BCR: variants seen among roughly 807,000 people sequenced by gnomAD.
The protein encoded by BCR is BCR activator of RhoGEF and GTPase.
In BCR, 58 loss-of-function variants were observed where a neutral mutation model predicts 138.6. That is an observed-to-expected ratio of 0.42 (90% confidence interval 0.34 to 0.52). BCR has a LOEUF of 0.52. BCR is among the 20% of genes least tolerant of loss of function. The pLI, the probability that BCR is intolerant of heterozygous loss-of-function variation, is 0.06. For synonymous variants in BCR, 786 were observed against 730.1 expected (o/e 1.08, Z -1.23); for missense variants, 1,599 against 1,727.2 (o/e 0.93, Z 1.32).
rs571517502 is a variant in BCR, at chr22:23,186,447, G to A, written c.1279+4208G>A. 6.6e-5 allele frequency among the ~76,000 whole-genome samples: 10 copies of A among 152,310 alleles called. 1 individual carries two copies. The South Asian group carries it at 1.9e-3, about 28-fold the overall frequency. On this transcript the variant is annotated intron_variant, in intron 1 of 22. Coordinates refer to ENST00000305877, the MANE Select transcript of BCR (RefSeq NM_004327.4). ...CCATTTTTATCCATACAGTTCTGTG[G>A]TGTTGACTACATTCACATTGTTGTA...
intron 17 of BCR, 72 bp from the exon 18 acceptor site, chr22:23,310,252 C>T: frequency 5.7e-6 from 4 of 707,318 alleles, no homozygotes; most frequent in South Asian, 2.9e-5. Context: ...ATGAGACTCC[C>T]AGGGGTCCTT....
intron 8 of BCR, chr22:23,283,699 C>G (rs56073544): frequency 1.1e-5 from 4 of 378,958 alleles, no homozygotes; most frequent in African/African-American, 2.1e-5. Flanking sequence ...CCCCCTCTCC[C>G]CCATCCTCCC....
intron 1 of BCR, among the ~76,000 whole-genome samples, chr22:23,244,863 C>T (rs1439646527): frequency 6.6e-6 from 1 of 152,220 alleles, no homozygotes; most frequent in East Asian, 1.9e-4. Context: ...GCCCCCGCAC[C>T]AGCCGGCCCC....
intron 16 of BCR, among the ~76,000 whole-genome samples, chr22:23,300,037 A>C (rs1490490868): frequency 6.6e-6 from 1 of 152,166 alleles, no homozygotes; most frequent in East Asian, 1.9e-4. Flanking sequence ...CACAATGTAA[A>C]ATGTCCCAGG....
intron 1 of BCR, among the ~76,000 whole-genome samples, chr22:23,205,911 C>G (rs1013362043): frequency 6.6e-6 from 1 of 152,168 alleles, no homozygotes; most frequent in African/African-American, 2.4e-5. Context: ...CGAGCTGCCT[C>G]CAAATGCCTG....
intron 1 of BCR, among the ~76,000 whole-genome samples, chr22:23,186,237 G>T (rs781209094): frequency 6.6e-6 from 1 of 152,232 alleles, no homozygotes; most frequent in Admixed American, 6.5e-5. Context: ...GGCCACCCAC[G>T]TCTGCCTTGT....
At chr22:23,273,031 G>A in intron 6 of BCR, 50 bp from the exon 7 acceptor site, 1 of 1,596,606 alleles carries the variant, frequency 6.3e-7, no homozygotes. Flanking sequence ...TCAGGCAGCT[G>A]GTGTGCTTCT....
intron 1 of BCR, among the ~76,000 whole-genome samples, chr22:23,186,119 G>A (rs1363007223): frequency 6.6e-6 from 1 of 152,326 alleles, no homozygotes; most frequent in Non-Finnish European, 1.5e-5. Flanking sequence ...AGTGAGATCA[G>A]AGAAGCTTCC....
At chr22:23,271,140 G>A (rs1401039282) in intron 5 of BCR, among the ~76,000 whole-genome samples, 1 of 152,242 alleles carries the variant, frequency 6.6e-6, no homozygotes, top group Non-Finnish European at 1.5e-5. Flanking sequence ...GCGTGATTTT[G>A]TTCACAAGGG....
intron 8 of BCR, among the ~76,000 whole-genome samples, chr22:23,282,772 C>G (rs923135534): frequency 2.0e-5 from 3 of 152,224 alleles, no homozygotes; most frequent in African/African-American, 7.2e-5. Flanking sequence ...TGTGCCTCCC[C>G]TGCCAACCCT....
chr22:23,303,931 CTT>C (rs131683), intron 16 of BCR, among the ~76,000 whole-genome samples: 7 of 106,160 alleles, frequency 6.6e-5, no homozygotes, highest in Admixed American at 3.4e-4. Flanking sequence ...TCCTTGTTGC[CTT>C]TTTTTTTTTT....
chr22:23,277,882 C>A (rs2073597430), intron 8 of BCR, among the ~76,000 whole-genome samples: 1 of 152,204 alleles, frequency 6.6e-6, no homozygotes, highest in Non-Finnish European at 1.5e-5. Flanking sequence ...CGGTGGCCGG[C>A]AGGTGCTCCA....
chr22:23,181,395 G>A lies in BCR; in HGVS notation c.435G>A (p.Arg145=). ...CCGCGTCGGGGGAACGGGACGACCG[G>A]GGACCCCCCGCCAGCGTGGCGGCGC... ...GAAASGERDD[R]GPPASVAALR... is the part of the protein sequence containing the mutation. The change falls in exon 1 of 23, where the codon CGG becomes CGA. Residue 145 remains arginine, a synonymous_variant. Coordinates refer to ENST00000305877, the MANE Select transcript of BCR (RefSeq NM_004327.4). The A allele has an allele frequency of 1.3e-6, 2 of 1,559,116 alleles. No individual in the cohort carries two copies. The highest frequency in any genetic ancestry group is 1.7e-6 in the Non-Finnish European group (2 of 1,153,392).
At chr22:23,205,070 C>T (rs1429421308) in intron 1 of BCR, among the ~76,000 whole-genome samples, 1 of 152,204 alleles carries the variant, frequency 6.6e-6, no homozygotes, top group Non-Finnish European at 1.5e-5. Context: ...GACCAATTCC[C>T]CAACAGCCTC....
intron 1 of BCR, among the ~76,000 whole-genome samples, chr22:23,252,365 G>A (rs1359133405): frequency 1.1e-4 from 17 of 152,028 alleles, no homozygotes; most frequent in Non-Finnish European, 1.5e-5. Flanking sequence ...CAAGGTGCAA[G>A]GACCGTTCCT....
chr22:23,282,830 C>G (rs375933880), intron 8 of BCR, among the ~76,000 whole-genome samples: 1 of 152,356 alleles, frequency 6.6e-6, no homozygotes, highest in East Asian at 1.9e-4. Context: ...TGAGCCTTCC[C>G]TGAGACCAGG....
intron 8 of BCR, among the ~76,000 whole-genome samples, chr22:23,273,980 G>A (rs905103842): frequency 3.3e-5 from 5 of 152,340 alleles, no homozygotes; most frequent in African/African-American, 9.6e-5. Context: ...ATGCCCTCCA[G>A]GTGGCAGCCA....
chr22:23,288,737 G>T (rs1042457075), intron 12 of BCR, among the ~76,000 whole-genome samples: 1 of 152,202 alleles, frequency 6.6e-6, no homozygotes, highest in Non-Finnish European at 1.5e-5. Context: ...GCTCAGGGGC[G>T]CTCCCTCCTG....
rs1384098258 is a variant in BCR, at chr22:23,180,577, G to A, written c.-384G>A. 1.0e-4 allele frequency: 4 copies of A among 38,880 alleles called. No homozygotes were observed. The highest frequency in any genetic ancestry group is 1.2e-3 in the African/African-American group (1 of 836). The allele number at this position is 38,880 out of a possible 1,614,324, so 2.4% of individuals were successfully genotyped here. On this transcript the variant is annotated 5_prime_UTR_variant, in exon 1 of 23. Coordinates refer to ENST00000305877, the MANE Select transcript of BCR (RefSeq NM_004327.4). ...TGAGCTTAGCGTCCGAGGAGGCGGC[G>A]GCGGCGGCGGCGGCACGGCGGCGGC...
Sources: gnomAD v4.1 joint callset for allele counts (sites outside exome capture counted in the v4.1 genomes callset) on GRCh38, gnomAD v4.1.1 for gene constraint, MANE v1.5 for transcripts, NCBI Gene and HGNC (gene_info 2026-07-23, HGNC 2026-07-21) for gene names.